Variants in LMF1 observed in about 807,000 individuals in gnomAD.
The protein encoded by LMF1 is lipase maturation factor 1, also known as transmembrane protein 112.
Under a neutral mutation model 60.6 loss-of-function variants are expected in LMF1, and 68 were observed. The observed-to-expected ratio is 1.12, with a 90% CI of 0.92 to 1.37. The LOEUF (loss-of-function observed/expected upper bound fraction) is 1.37, where lower values mean the gene tolerates loss of function less well. Ranked by LOEUF, LMF1 falls within the 40% of genes most tolerant of loss-of-function variation. LMF1 has a pLI of 0.00. For missense variants in LMF1, 948 were observed against 767.2 expected (o/e 1.24, Z -2.78); for synonymous variants, 418 against 324.7 (o/e 1.29, Z -3.09).
chr16:958,276 A>G (rs917009586), intron 1 of LMF1, among the ~76,000 whole-genome samples: 5 of 152,370 alleles, frequency 3.3e-5, no homozygotes, highest in South Asian at 4.1e-4. Context: ...TTTGATCTGC[A>G]AAAGCTACTT....
At chr16:947,544 C>T (rs1257193246) in intron 2 of LMF1, 1 of 456,100 alleles carries the variant, frequency 2.2e-6, no homozygotes, top group South Asian at 1.5e-5. Flanking sequence ...GAGCCACCAT[C>T]CGTCCTGCCC....
intron 3 of LMF1, among the ~76,000 whole-genome samples, chr16:926,476 GTGTGCGCA>G (rs1282425959): frequency 2.0e-5 from 3 of 152,252 alleles, no homozygotes; most frequent in African/African-American, 7.2e-5. Flanking sequence ...GTGTGTCTGT[GTGTGCGCA>G]TGTGCGCACG....
At chr16:948,888 C>CAG (rs1321630255) in intron 2 of LMF1, among the ~76,000 whole-genome samples, 22 of 83,326 alleles carry the variant, frequency 2.6e-4, no homozygotes, top group Non-Finnish European at 4.2e-4. Flanking sequence ...ATGACAGAGT[C>CAG]AGCCAACGAC....
At chr16:935,659 A>G (rs1367538019) in intron 2 of LMF1, among the ~76,000 whole-genome samples, 2 of 152,174 alleles carry the variant, frequency 1.3e-5, no homozygotes, top group Admixed American at 6.5e-5. Context: ...CGTGTGGACA[A>G]GCTTGCTTTA....
At chr16:971,908 G>A (rs1363426856), upstream of LMF1, among the ~76,000 whole-genome samples, 1 of 152,146 alleles carries the variant, frequency 6.6e-6, no homozygotes, top group Admixed American at 6.5e-5. Flanking sequence ...CTGTTCTTTT[G>A]TGTATATTGG....
chr16:869,051 G>A lies in LMF1; in HGVS notation c.1422C>T (p.Tyr474=), dbSNP rs763350006. The A allele has an allele frequency of 1.1e-5, 18 of 1,608,992 alleles. 1 individual carries two copies. The highest frequency in any genetic ancestry group is 4.0e-5 in the African/African-American group (3 of 74,868). The change falls in exon 10 of 11, where the codon TAC becomes TAT. Residue 474 remains tyrosine (Y), a synonymous_variant. Transcript: ENST00000262301. Reference sequence around the variant, plus strand: ...GGTGGATGATCCAGTCGTTGTGCTCGTAGGTCTGGGAGGAGAGGTCGGGCT... The same window carrying A: ...GGTGGATGATCCAGTCGTTGTGCTCATAGGTCTGGGAGGAGAGGTCGGGCT... ...WLMWFAAFQT[Y]EHNDWIIHLA... is the part of the protein sequence containing the mutation.
chr16:887,253 C>T (rs2070336225), intron 5 of LMF1: 1 of 152,358 alleles, frequency 6.6e-6, no homozygotes, highest in African/African-American at 2.4e-5. Flanking sequence ...TTGTGTTGAG[C>T]TTCCCTGTTG....
intron 1 of LMF1, among the ~76,000 whole-genome samples, chr16:969,791 G>A (rs931982427): frequency 6.6e-6 from 1 of 152,222 alleles, no homozygotes; most frequent in Admixed American, 6.5e-5. Flanking sequence ...CTTGAGGTTC[G>A]TAGCTCCTGA....
At chr16:940,676 G>A (rs1160479739) in intron 2 of LMF1, among the ~76,000 whole-genome samples, 1 of 152,226 alleles carries the variant, frequency 6.6e-6, no homozygotes, top group African/African-American at 2.4e-5. Context: ...GAAAATGAGT[G>A]GGAGACGCAG....
intron 5 of LMF1, among the ~76,000 whole-genome samples, chr16:890,971 C>T (rs1312279645): frequency 6.6e-6 from 1 of 152,228 alleles, no homozygotes; most frequent in Non-Finnish European, 1.5e-5. Context: ...CCGTCTCGGG[C>T]CATGTCTGAA....
intron 3 of LMF1, among the ~76,000 whole-genome samples, chr16:911,909 G>T (rs2071134148): frequency 1.3e-5 from 2 of 152,144 alleles, no homozygotes; most frequent in South Asian, 4.1e-4. Flanking sequence ...ACACGTGGGG[G>T]CCCAACGGAT....
At chr16:947,159 G>C (rs1282259163) in intron 2 of LMF1, among the ~76,000 whole-genome samples, 2 of 152,248 alleles carry the variant, frequency 1.3e-5, no homozygotes, top group Admixed American at 6.5e-5. Flanking sequence ...TGGGCTCTCT[G>C]AGTGCCTGGC....
At chr16:965,852 C>T (rs929607778) in intron 1 of LMF1, among the ~76,000 whole-genome samples, 2 of 152,156 alleles carry the variant, frequency 1.3e-5, no homozygotes, top group African/African-American at 4.8e-5. Flanking sequence ...TGGTAGAGAC[C>T]ACCTGCTACG....
chr16:869,297 C>T (rs925577191), intron 9 of LMF1: 5 of 674,644 alleles, frequency 7.4e-6, no homozygotes, highest in East Asian at 5.6e-5. Flanking sequence ...TGCCTTGGAG[C>T]CTGTCCACCC....
chr16:910,064 C>A (rs1392380287), intron 4 of LMF1, among the ~76,000 whole-genome samples: 1 of 152,132 alleles, frequency 6.6e-6, no homozygotes, highest in Non-Finnish European at 1.5e-5. Context: ...TCATTCCAGC[C>A]CAAAATGAAA....
chr16:907,858 T>G (rs754404823), intron 4 of LMF1, among the ~76,000 whole-genome samples: 4 of 152,234 alleles, frequency 2.6e-5, no homozygotes, highest in African/African-American at 9.7e-5. Context: ...GTGCACCTGA[T>G]AATTTCTTCT....
rs551563471 is a variant in LMF1 at position 878,642 on chromosome 16, G to A, written c.897+928C>T. ...CAGGACCCGGCCAACAACCATGGGC[G>A]CCCCCACGTGCACCAACGTGGCGTG... On this transcript the variant is annotated intron_variant, in intron 6 of 10. Transcript: ENST00000262301. The surrounding 1 kb of genome is among the most constrained non-coding windows in gnomAD (Gnocchi z 5.2). Among the ~76,000 whole-genome samples the A allele has an allele frequency of 1.7e-3, 265 of 151,696 alleles. No homozygotes were observed. The highest frequency in any genetic ancestry group is 0.013 in the South Asian group (64 of 4,796).
chr16:897,983 G>A lies in LMF1; in HGVS notation c.664-4911C>T, dbSNP rs973344140. 6.6e-6 allele frequency among the ~76,000 whole-genome samples: 1 copy of A among 152,252 alleles called. No homozygotes were observed. Among genetic ancestry groups the A allele is most frequent in the African/African-American group, 2.4e-5 (1 of 41,474 alleles). On this transcript the variant is annotated intron_variant, in intron 4 of 10. Coordinates refer to ENST00000262301, the MANE Select transcript of LMF1 (RefSeq NM_022773.4). The surrounding 1 kb of genome is among the most constrained non-coding windows in gnomAD (Gnocchi z 4.3). ...GTACATGGCAGGCATCCTCTGCGTG[G>A]TGGGCGCCTTCTGCGTGGCGGGCGT...
intron 10 of LMF1, among the ~76,000 whole-genome samples, chr16:857,439 A>ACGGGATGGGTGTGAGTGGTGTCT (rs1567132095): frequency 1.0e-4 from 14 of 139,608 alleles, no homozygotes; most frequent in South Asian, 4.7e-4. Flanking sequence ...CAGTGGTGTC[A>ACGGGATGGGTGTGAGTGGTGTCT]CGGGACGGGT....
Sources: gnomAD v4.1 joint callset for allele counts (sites outside exome capture counted in the v4.1 genomes callset) on GRCh38, gnomAD v4.1.1 for gene constraint, Gnocchi (gnomAD v3.1) non-coding constraint, MANE v1.5 for transcripts, NCBI Gene and HGNC (gene_info 2026-07-23, HGNC 2026-07-21) for gene names.